The following RUFY4 variants were observed in gnomAD, a reference collection of about 807,000 sequenced individuals.
RUFY4 encodes RUN and FYVE domain-containing protein 4.
RUFY4 carries 73 observed loss-of-function variants against 69.0 expected under a neutral mutation model. The observed-to-expected ratio is 1.06, with a 90% CI of 0.88 to 1.29. The LOEUF (loss-of-function observed/expected upper bound fraction) is 1.29, where lower values mean the gene tolerates loss of function less well. RUFY4 is among the 50% of genes most tolerant of loss of function. The pLI, the probability that RUFY4 is intolerant of heterozygous loss-of-function variation, is 0.00. For missense variants in RUFY4, 770 were observed against 705.6 expected, an observed-to-expected ratio of 1.09 and a Z score of -1.03; for synonymous variants, 287 against 271.8, an observed-to-expected ratio of 1.06 and a Z score of -0.55.
upstream of RUFY4, among the ~76,000 whole-genome samples, chr2:218,068,129 A>G (rs1243338433): frequency 6.9e-6 from 1 of 144,804 alleles, no homozygotes; most frequent in African/African-American, 2.6e-5. Context: ...GGAGGAGGGC[A>G]GGGGACTGGA....
At chr2:218,071,213 G>A (rs1422092670) in intron 2 of RUFY4, among the ~76,000 whole-genome samples, 3 of 152,146 alleles carry the variant, frequency 2.0e-5, no homozygotes, top group African/African-American at 7.2e-5. Context: ...CTTGCTATGT[G>A]TCAGACTTCA....
At chr2:218,073,561 A>T in intron 5 of RUFY4, among the ~76,000 whole-genome samples, 175 bp downstream of exon 7, 1 of 152,166 alleles carries the variant, frequency 6.6e-6, no homozygotes, top group East Asian at 1.9e-4. Flanking sequence ...TTCATGGCAT[A>T]ATGCTGCCTA....
chr2:218,077,233 C>A (rs1434300656), intron 8 of RUFY4, among the ~76,000 whole-genome samples: 1 of 122,146 alleles, frequency 8.2e-6, no homozygotes, highest in African/African-American at 3.1e-5. Context: ...GCACTTCAGT[C>A]TCTCCGTTTC....
At chr2:218,089,337 C>A in exon 10 of RUFY4, 1 of 1,613,838 alleles carries the variant, frequency 6.2e-7, no homozygotes, top group African/African-American at 1.3e-5. Flanking sequence ...GATCTTTGGC[C>A]GATTTTCTCG....
At chr2:218,060,735 G>C (rs745822266) in intron 3 of RUFY4, 9 of 1,437,452 alleles carry the variant, frequency 6.3e-6, no homozygotes, top group Non-Finnish European at 2.0e-6. Context: ...ATCTGTAGCA[G>C]AACAGCATGA....
chr2:218,072,732 C>A (rs1339802430), intron 3 of RUFY4, 47 bp from the exon 6 acceptor site: 1 of 1,419,424 alleles, frequency 7.0e-7, no homozygotes, highest in African/African-American at 1.4e-5. Context: ...ACCTGGGCGC[C>A]CTTTGTCCTA....
chr2:218,060,722 T>C (rs1689163662), intron 3 of RUFY4: 5 of 1,400,050 alleles, frequency 3.6e-6, no homozygotes, highest in East Asian at 4.6e-5. Context: ...GTATGCAGGG[T>C]GAATCTGTAG....
intron 2 of RUFY4, among the ~76,000 whole-genome samples, chr2:218,047,556 T>C (rs756735663): frequency 6.6e-6 from 1 of 152,222 alleles, no homozygotes; most frequent in Non-Finnish European, 1.5e-5. Context: ...AAATACATTT[T>C]TCACATACAT....
At chr2:218,052,578 T>C (rs983158018) in intron 2 of RUFY4, among the ~76,000 whole-genome samples, 4 of 152,122 alleles carry the variant, frequency 2.6e-5, no homozygotes, top group Non-Finnish European at 5.9e-5. Flanking sequence ...GTAATTTGCC[T>C]AAGAAACAGA....
At chr2:218,052,483 A>G (rs183976710) in intron 2 of RUFY4, among the ~76,000 whole-genome samples, 1 of 152,308 alleles carries the variant, frequency 6.6e-6, no homozygotes. Flanking sequence ...TTACCTTTGT[A>G]TGAGGTTTGC....
At chr2:218,058,445 G>T (rs1003128295) in intron 2 of RUFY4, 1 of 152,104 alleles carries the variant, frequency 6.6e-6, no homozygotes, top group Non-Finnish European at 1.5e-5. Context: ...TCCCTTCCCC[G>T]ACCCTTTAAT....
At chr2:218,055,409 A>G (rs1258790997) in intron 2 of RUFY4, among the ~76,000 whole-genome samples, 1 of 150,964 alleles carries the variant, frequency 6.6e-6, no homozygotes, top group Non-Finnish European at 1.5e-5. Flanking sequence ...AAAAAAAAAA[A>G]ATACAATCTA....
At chr2:218,089,725 C>G (rs1422553518) in intron 10 of RUFY4, 2 of 703,966 alleles carry the variant, frequency 2.8e-6, no homozygotes, top group Non-Finnish European at 5.2e-6. Context: ...AGTGAGCCAC[C>G]AGGAGAAGCT....
chr2:218,088,085 AAG>A (rs756307986), intron 9 of RUFY4, among the ~76,000 whole-genome samples: 12 of 152,230 alleles, frequency 7.9e-5, no homozygotes, highest in Non-Finnish European at 1.5e-4. Flanking sequence ...GAGAACAAGA[AAG>A]AGAGGGGAGG....
At chr2:218,082,012 C>T (rs1574516798) in intron 8 of RUFY4, among the ~76,000 whole-genome samples, 2 of 152,368 alleles carry the variant, frequency 1.3e-5, no homozygotes, top group African/African-American at 2.4e-5. Flanking sequence ...GGGACTCTCA[C>T]GCATGCCACC....
chr2:218,037,689 T>A (rs1244966444), intron 2 of RUFY4, among the ~76,000 whole-genome samples: 1 of 152,220 alleles, frequency 6.6e-6, no homozygotes, highest in African/African-American at 2.4e-5. Context: ...TCTCTGGACA[T>A]TTTCAAATAT....
At chr2:218,049,161 A>G (rs1484885382) in intron 2 of RUFY4, among the ~76,000 whole-genome samples, 1 of 152,158 alleles carries the variant, frequency 6.6e-6, no homozygotes, top group Admixed American at 6.6e-5. Context: ...GAGTTTCCAC[A>G]CCATTCCAAA....
rs2106055364 is a variant in RUFY4 at position 218,075,076 on chromosome 2, T to C, written c.601-17T>C. On this transcript the variant is annotated splice_polypyrimidine_tract_variant and intron_variant, in intron 6 of 10. Coordinates refer to ENST00000344321, the Ensembl canonical transcript of RUFY4. The stretch of plus-strand genomic sequence containing the variant: ...TTGGTGCTGAGAGGGATGACTGGTT[T>C]TGGGTCCTCTCCACAGATCCCAGCC... The C allele has an allele frequency of 1.7e-5, 25 of 1,495,496 alleles. No homozygotes were observed. The highest frequency in any genetic ancestry group is 2.1e-5 in the Non-Finnish European group (24 of 1,118,588). The allele number at this position is 1,495,496 out of a possible 1,614,324, so 92.6% of individuals were successfully genotyped here.
exon 7 of RUFY4, chr2:218,075,471 A>G: frequency 6.2e-7 from 1 of 1,604,686 alleles, no homozygotes; most frequent in Non-Finnish European, 8.5e-7. Context: ...AGAGGGTCAG[A>G]GAACAACAGA....
Sources: gnomAD v4.1 joint callset for allele counts (sites outside exome capture counted in the v4.1 genomes callset) on GRCh38, gnomAD v4.1.1 for gene constraint, MANE v1.5 for transcripts, NCBI Gene and HGNC (gene_info 2026-07-23, HGNC 2026-07-21) for gene names.